The following CHRNA7 variants were observed in gnomAD, a reference collection of about 807,000 sequenced individuals.
The protein encoded by CHRNA7 is cholinergic receptor nicotinic alpha 7 subunit.
Under a neutral mutation model 48.0 loss-of-function variants are expected in CHRNA7, and 17 were observed. That is an observed-to-expected ratio of 0.35 (90% confidence interval 0.24 to 0.53). CHRNA7 has a LOEUF of 0.53. CHRNA7 is among the 20% of genes least tolerant of loss of function. The pLI, the probability that CHRNA7 is intolerant of heterozygous loss-of-function variation, is 0.92. For synonymous variants in CHRNA7, 75 were observed against 242.3 expected, an observed-to-expected ratio of 0.31 and a Z score of 6.41; for missense variants, 155 against 577.7, an observed-to-expected ratio of 0.27 and a Z score of 7.50.
At chr15:32,109,072 G>A (rs987228951) in intron 3 of CHRNA7, among the ~76,000 whole-genome samples, 1 of 152,184 alleles carries the variant, frequency 6.6e-6, no homozygotes, top group South Asian at 2.1e-4. Flanking sequence ...TTCAGGGCGT[G>A]AAAGTAAGTT....
At chr15:32,114,383 C>T (rs1390555142) in intron 4 of CHRNA7, among the ~76,000 whole-genome samples, 1 of 152,060 alleles carries the variant, frequency 6.6e-6, no homozygotes, top group Non-Finnish European at 1.5e-5. Flanking sequence ...GGTCCAGGCC[C>T]TTAGAAATGA....
intron 2 of CHRNA7, among the ~76,000 whole-genome samples, chr15:32,082,134 TTGTG>T (rs757267271): frequency 7.4e-4 from 113 of 152,278 alleles, no homozygotes; most frequent in Admixed American, 4.5e-3. Context: ...TTTAAGGTGT[TTGTG>T]TGGTCCTTAA....
intron 2 of CHRNA7, among the ~76,000 whole-genome samples, chr15:32,055,418 A>T (rs1430742228): frequency 6.6e-6 from 1 of 152,220 alleles, no homozygotes; most frequent in African/African-American, 2.4e-5. Flanking sequence ...TCTGATATCA[A>T]GGTGCCAGTA....
chr15:32,134,032 G>T (rs1399123401), intron 4 of CHRNA7, among the ~76,000 whole-genome samples: 1 of 152,166 alleles, frequency 6.6e-6, no homozygotes, highest in Non-Finnish European at 1.5e-5. Flanking sequence ...AAGTGTCCAG[G>T]TGTGAGGCCA....
At position 32,055,680 on chromosome 15, in the gene CHRNA7, A is replaced by G. The variant is rs2049774731; in HGVS notation, c.195+24643A>G. ...AGCATGAGTTTTGGAGGGGTCAAAC[A>G]TTCAAACCATTGCAGTTGGCCAGGC... On this transcript the variant is annotated intron_variant, in intron 2 of 9. Coordinates refer to ENST00000306901, the MANE Select transcript of CHRNA7 (RefSeq NM_000746.6). Among the ~76,000 whole-genome samples, 5 of 152,296 alleles carry G rather than the reference A, an allele frequency of 3.3e-5. No homozygotes were observed. In the South Asian group the frequency reaches 1.0e-3, roughly 32 times the overall value.
intron 4 of CHRNA7, among the ~76,000 whole-genome samples, chr15:32,112,519 A>G (rs889345833): frequency 1.1e-4 from 17 of 152,250 alleles, no homozygotes; most frequent in African/African-American, 3.9e-4. Flanking sequence ...CTAAAAGGCA[A>G]TTATTCAGGC....
chr15:32,152,433 A>G (rs915785277), intron 4 of CHRNA7, among the ~76,000 whole-genome samples: 3 of 151,950 alleles, frequency 2.0e-5, no homozygotes, highest in African/African-American at 7.2e-5. Flanking sequence ...ACAGAGCTAG[A>G]CTCCATTTCA....
At chr15:32,078,612 T>G (rs2050169490) in intron 2 of CHRNA7, among the ~76,000 whole-genome samples, 1 of 130,578 alleles carries the variant, frequency 7.7e-6, no homozygotes, top group African/African-American at 3.0e-5. Context: ...AATCCCTGAA[T>G]AGACCAATGA....
intron 2 of CHRNA7, among the ~76,000 whole-genome samples, chr15:32,058,859 T>G (rs2049829876): frequency 6.6e-6 from 1 of 152,188 alleles, no homozygotes; most frequent in Non-Finnish European, 1.5e-5. Flanking sequence ...ATCATCTATA[T>G]GTATATAACT....
intron 3 of CHRNA7, among the ~76,000 whole-genome samples, chr15:32,105,836 A>G (rs1595452782): frequency 6.6e-6 from 1 of 152,336 alleles, no homozygotes; most frequent in Non-Finnish European, 1.5e-5. Flanking sequence ...TAGATGATCT[A>G]GCAGTTGTAA....
chr15:32,080,477 C>T lies in CHRNA7; in HGVS notation c.196-20826C>T, dbSNP rs181877522. ...AACACAACCCCATTAAAAAAATGGG[C>T]GAAAGGCAAGAACAGACACTTCTCA... On this transcript the variant is annotated intron_variant, in intron 2 of 9. Coordinates refer to ENST00000306901, the MANE Select transcript of CHRNA7 (RefSeq NM_000746.6). Among the ~76,000 whole-genome samples, 180 of 151,836 alleles carry T rather than the reference C, an allele frequency of 1.2e-3. 1 individual carries two copies. Among genetic ancestry groups the T allele is most frequent in the Non-Finnish European group, 2.2e-3 (148 of 67,930 alleles).
chr15:32,095,102 T>C (rs1488387927), intron 2 of CHRNA7, among the ~76,000 whole-genome samples: 4 of 152,252 alleles, frequency 2.6e-5, no homozygotes, highest in African/African-American at 9.6e-5. Context: ...GGCTAGTGAA[T>C]AGCAGAGCCC....
intron 2 of CHRNA7, among the ~76,000 whole-genome samples, chr15:32,052,841 A>G (rs899698092): frequency 5.9e-5 from 9 of 152,204 alleles, no homozygotes; most frequent in African/African-American, 1.9e-4. Flanking sequence ...GTTAACAATA[A>G]TTTATTGTAC....
At chr15:32,113,891 A>G (rs561974547) in intron 4 of CHRNA7, among the ~76,000 whole-genome samples, 2 of 151,394 alleles carry the variant, frequency 1.3e-5, no homozygotes, top group African/African-American at 2.4e-5. Context: ...TTAGCTGGGC[A>G]TGGTGACCTG....
chr15:32,152,213 T>TG (rs5811684), intron 4 of CHRNA7, among the ~76,000 whole-genome samples: 49,915 of 151,782 alleles, frequency 0.33, 8,481 homozygotes, highest in Middle Eastern at 0.4. Flanking sequence ...AGAGGCTAAG[T>TG]GGGGGTGGAT....
At chr15:32,044,542 C>T (rs1566798290) in intron 2 of CHRNA7, among the ~76,000 whole-genome samples, 1 of 152,218 alleles carries the variant, frequency 6.6e-6, no homozygotes, top group African/African-American at 2.4e-5. Flanking sequence ...TCCCAAAGTG[C>T]TGGGATTACA....
chr15:32,110,279 G>A (rs2050741949), intron 3 of CHRNA7, among the ~76,000 whole-genome samples: 1 of 152,198 alleles, frequency 6.6e-6, no homozygotes, highest in African/African-American at 2.4e-5. Context: ...AGCATGGCTT[G>A]GTTGGTGCCC....
chr15:32,037,358 A>G (rs564286501), intron 2 of CHRNA7, among the ~76,000 whole-genome samples: 10 of 152,320 alleles, frequency 6.6e-5, no homozygotes, highest in Admixed American at 2.0e-4. Context: ...GAAGTTTGGT[A>G]GTATCAGTCC....
At chr15:32,103,161 A>G (rs1190899105) in intron 3 of CHRNA7, 1 of 152,184 alleles carries the variant, frequency 6.6e-6, no homozygotes, top group Non-Finnish European at 1.5e-5. Context: ...TGGGCAGTTG[A>G]GTTATCCTGC....
Sources: gnomAD v4.1 joint callset for allele counts (sites outside exome capture counted in the v4.1 genomes callset) on GRCh38, gnomAD v4.1.1 for gene constraint, MANE v1.5 for transcripts, NCBI Gene and HGNC (gene_info 2026-07-23, HGNC 2026-07-21) for gene names.